Variants in UPF3A observed in about 807,000 individuals in gnomAD.
UPF3A encodes regulator of nonsense transcripts 3A.
In UPF3A, 42 loss-of-function variants were observed where a neutral mutation model predicts 53.5. The observed-to-expected ratio is 0.78, with a 90% CI of 0.61 to 1.01. UPF3A has a LOEUF of 1.01. Ranked by LOEUF, UPF3A falls within the 50% of genes least tolerant of loss-of-function variation. The pLI, the probability that UPF3A is intolerant of heterozygous loss-of-function variation, is 0.00. For synonymous variants in UPF3A, 237 were observed against 225.3 expected (o/e 1.05, Z -0.47); for missense variants, 575 against 598.0 (o/e 0.96, Z 0.40).
At chr13:114,301,346 C>G (rs1030599524) in intron 8 of UPF3A, among the ~76,000 whole-genome samples, 42 of 151,788 alleles carry the variant, frequency 2.8e-4, no homozygotes, top group Admixed American at 5.2e-4. Flanking sequence ...ACCTGTAGTC[C>G]CAGCTACTCG....
rs143436669 is a variant in UPF3A at position 114,292,045 on chromosome 13, C to G, written c.846+253C>G. Among the ~76,000 whole-genome samples, 1,314 of 152,164 alleles carry G rather than the reference C, an allele frequency of 8.6e-3. 15 individuals are homozygous for G. Among genetic ancestry groups the G allele is most frequent in the African/African-American group, 0.03 (1,226 of 41,520 alleles). On this transcript the variant is annotated intron_variant, in intron 7 of 9. Coordinates refer to ENST00000375299, the MANE Select transcript of UPF3A (RefSeq NM_023011.4). ...CTGGGTGTGCAGTGGGGAGCACACC[C>G]CACAGGAGCCCCACGCTGGCACACG...
In UPF3A at chr13:114,305,073, A is replaced by G. The variant is rs2086918403; in HGVS notation, c.*156A>G. On this transcript the variant is annotated 3_prime_UTR_variant, in exon 10 of 10. Coordinates refer to ENST00000375299, the MANE Select transcript of UPF3A (RefSeq NM_023011.4). The stretch of plus-strand genomic sequence containing the variant: ...CGTAGAAACACGCAGAAACCATTCT[A>G]AAGAAAGTAGTGATCTTGTATTAAA... The G allele has an allele frequency of 4.4e-6, 4 of 916,446 alleles. No individual in the cohort carries two copies. The highest frequency in any genetic ancestry group is 5.6e-5 in the East Asian group (2 of 35,568). The allele number at this position is 916,446 out of a possible 1,614,324, so 56.8% of individuals were successfully genotyped here.
intron 2 of UPF3A, 97 bp from the exon 3 acceptor site, chr13:114,282,740 T>C: frequency 2.0e-6 from 3 of 1,518,662 alleles, no homozygotes; most frequent in Non-Finnish European, 2.6e-6. Flanking sequence ...AAGTTTTATC[T>C]AAAGTAGTTT....
intron 3 of UPF3A, chr13:114,283,528 C>A (rs550130447): frequency 2.6e-5 from 4 of 153,960 alleles, no homozygotes; most frequent in African/African-American, 9.6e-5. Context: ...GAGTTTGTTG[C>A]ATGAGAGAAC....
chr13:114,287,829 T>C lies in UPF3A; in HGVS notation c.631+1200T>C, dbSNP rs565361692. ...TCATTTATCTAGTAATAAAGCTTTT[T>C]TTCCCCCCACTCTGTTGCCCAGGCT... On this transcript the variant is annotated intron_variant, in intron 5 of 9. Coordinates refer to ENST00000375299, the MANE Select transcript of UPF3A (RefSeq NM_023011.4). Among the ~76,000 whole-genome samples, 5 of 152,256 alleles carry C rather than the reference T, an allele frequency of 3.3e-5. 1 individual carries two copies. The highest frequency in any genetic ancestry group is 9.6e-5 in the African/African-American group (4 of 41,536).
intron 5 of UPF3A, 51 bp from the exon 6 acceptor site, chr13:114,291,438 A>G (rs777289713): frequency 8.2e-6 from 12 of 1,462,798 alleles, no homozygotes; most frequent in Non-Finnish European, 1.1e-5. Context: ...AGTATTTAAA[A>G]TACATCTTTC....
chr13:114,282,311 A>G, intron 2 of UPF3A, 184 bp downstream of exon 2: 1 of 849,646 alleles, frequency 1.2e-6, no homozygotes, highest in Non-Finnish European at 1.7e-6. Context: ...CAACAAAGAA[A>G]CACAGATGTG....
At chr13:114,299,266 G>T (rs1354577529) in intron 8 of UPF3A, among the ~76,000 whole-genome samples, 1 of 152,094 alleles carries the variant, frequency 6.6e-6, no homozygotes. Context: ...TTACTCCTGA[G>T]CCGCCTCCTG....
intron 3 of UPF3A, 159 bp from the exon 4 acceptor site, chr13:114,286,142 CT>C (rs1047154240): frequency 9.2e-5 from 90 of 982,222 alleles, no homozygotes; most frequent in East Asian, 1.9e-4. Context: ...GTTTTTTAAT[CT>C]TTTTTTTAAT....
chr13:114,297,974 C>T (rs1365310347), intron 7 of UPF3A, among the ~76,000 whole-genome samples: 4 of 152,148 alleles, frequency 2.6e-5, no homozygotes, highest in African/African-American at 7.2e-5. Flanking sequence ...CACCACTGCA[C>T]TCCAACCTGG....
chr13:114,282,276 C>G (rs1196033379), intron 2 of UPF3A, 149 bp downstream of exon 2: 1 of 816,736 alleles, frequency 1.2e-6, no homozygotes, highest in Non-Finnish European at 1.8e-6. Context: ...TAAAACGTGT[C>G]CGTTCCGTCA....
chr13:114,302,174 C>G, intron 9 of UPF3A, 149 bp downstream of exon 9: 1 of 638,744 alleles, frequency 1.6e-6, no homozygotes, highest in Non-Finnish European at 2.4e-6. Context: ...AAGTCAGATC[C>G]CAGAGTGAGA....
intron 3 of UPF3A, among the ~76,000 whole-genome samples, chr13:114,284,534 TA>T (rs535271853): frequency 5.0e-3 from 634 of 126,166 alleles, no homozygotes; most frequent in Admixed American, 6.4e-3. Context: ...CTGTCTCTAC[TA>T]AAAAAAAAAA....
chr13:114,305,599 T>C lies in UPF3A; in HGVS notation c.*682T>C, dbSNP rs1265821231. ...ACCATGGTTTAAGAATTTGCCCAAA[T>C]AACAGAAATTTTGTTCGGGAAGGGA... On this transcript the variant is annotated 3_prime_UTR_variant, in exon 10 of 10. Transcript: ENST00000375299. 1.3e-5 allele frequency: 2 copies of C among 153,138 alleles called. No homozygotes were observed. The highest frequency in any genetic ancestry group is 4.8e-5 in the African/African-American group (2 of 41,442). The allele number at this position is 153,138 out of a possible 1,614,324, so 9.5% of individuals were successfully genotyped here.
rs2084036950 is a variant in UPF3A, at chr13:114,281,815, C to A, written c.176C>A (p.Pro59His). The change falls in exon 1 of 10, where the codon CCT becomes CAT. Residue 59 changes from proline to histidine, a missense_variant. Pro to His is a moderately conservative substitution (Grantham distance 77). This residue lies in a region of UPF3A where 252 missense variants were observed against 182.7 expected (regional missense o/e 1.38). Transcript: ENST00000375299. Reference sequence around the variant, plus strand: ...GGTTGCGGGGGCGGTGCGGGCAAACCTCGCGAGGAGAAGAGGACGGCCCTG... The same window carrying A: ...GGTTGCGGGGGCGGTGCGGGCAAACATCGCGAGGAGAAGAGGACGGCCCTG... ...SSGCGGGAGK[P>H]REEKRTALSK... 6.5e-7 allele frequency: 1 copy of A among 1,546,106 alleles called. No individual in the cohort carries two copies. Among genetic ancestry groups the A allele is most frequent in the Non-Finnish European group, 8.7e-7 (1 of 1,144,374 alleles).
At chr13:114,295,377 C>T (rs1284408182) in intron 7 of UPF3A, among the ~76,000 whole-genome samples, 1 of 146,570 alleles carries the variant, frequency 6.8e-6, no homozygotes, top group Non-Finnish European at 1.5e-5. Context: ...CTGGCGTGCT[C>T]CCCAGCTCGT....
chr13:114,286,523 A>G lies in UPF3A; in HGVS notation c.525A>G (p.Pro175=), dbSNP rs2084710102. ...DAKTGSIEDD[P]EYKKFLETYC... Reference sequence around the variant, plus strand: ...TTCCTACTTTTTAATGTCTAGATCCAGAATATAAGAAGTTTTTAGAAACCT... The same window carrying G: ...TTCCTACTTTTTAATGTCTAGATCCGGAATATAAGAAGTTTTTAGAAACCT... The change falls in exon 5 of 10, where the codon CCA becomes CCG. Residue 175 remains proline (P), a synonymous_variant. Transcript: ENST00000375299. 6.2e-7 allele frequency: 1 copy of G among 1,612,516 alleles called. No homozygotes were observed. Among genetic ancestry groups the G allele is most frequent in the African/African-American group, 1.3e-5 (1 of 74,746 alleles).
chr13:114,302,421 T>G (rs2086680116), intron 9 of UPF3A, among the ~76,000 whole-genome samples: 1 of 152,198 alleles, frequency 6.6e-6, no homozygotes, highest in Non-Finnish European at 1.5e-5. Context: ...GTAAGTTAGA[T>G]CTGCACGGAC....
chr13:114,282,187 C>T, intron 2 of UPF3A, 60 bp downstream of exon 2: 3 of 1,387,780 alleles, frequency 2.2e-6, no homozygotes, highest in Non-Finnish European at 2.0e-6. Flanking sequence ...CGGCGGTGGC[C>T]GTCTCGTTGC....
Sources: gnomAD v4.1 joint callset for allele counts (sites outside exome capture counted in the v4.1 genomes callset) on GRCh38, gnomAD v4.1.1 for gene constraint, gnomAD v4.1.1 regional missense constraint, MANE v1.5 for transcripts, NCBI Gene and HGNC (gene_info 2026-07-23, HGNC 2026-07-21) for gene names.